The following ELAPOR1 variants were observed in gnomAD, a reference collection of about 807,000 sequenced individuals.
The protein encoded by ELAPOR1 is endosome/lysosome-associated apoptosis and autophagy regulator 1.
Under a neutral mutation model 119.7 loss-of-function variants are expected in ELAPOR1, and 77 were observed. The observed-to-expected ratio is 0.64, with a 90% CI of 0.54 to 0.78. The LOEUF is 0.78. Among genes scored for constraint, ELAPOR1 ranks in the 30% least tolerant of loss-of-function variants. The probability of loss-of-function intolerance (pLI) is 0.00; values close to 1 mark genes in which losing one functional copy is unlikely to be tolerated. For missense variants in ELAPOR1, 1,115 were observed against 1,270.4 expected (o/e 0.88, Z 1.86); for synonymous variants, 481 against 487.2 (o/e 0.99, Z 0.17).
chr1:109,182,702 C>G (rs1652769707), intron 7 of ELAPOR1, among the ~76,000 whole-genome samples: 2 of 151,926 alleles, frequency 1.3e-5, no homozygotes, highest in Non-Finnish European at 2.9e-5. Context: ...CCTGTCTCTA[C>G]TAAAAATACA....
intron 1 of ELAPOR1, among the ~76,000 whole-genome samples, chr1:109,153,259 AC>A (rs375402789): frequency 6.6e-6 from 1 of 152,212 alleles, no homozygotes; most frequent in African/African-American, 2.4e-5. Context: ...CTCTTGATCA[AC>A]AATCTCAAAG....
At position 109,171,973 on chromosome 1, in the gene ELAPOR1, A is replaced by G. The variant is rs112925785; in HGVS notation, c.575A>G (p.Glu192Gly). The G allele has an allele frequency of 6.2e-7, 1 of 1,614,216 alleles. No homozygotes were observed. ...NLKQSGTVNF[E>G]YYYPDSSIIF... Reference sequence around the variant, plus strand: ...AAGCAATCTGGCACCGTTAACTTCGAATACTACTATCCAGACTCCAGCATC... The same window carrying G: ...AAGCAATCTGGCACCGTTAACTTCGGATACTACTATCCAGACTCCAGCATC... The change falls in exon 4 of 22, where the codon GAA (glutamate) becomes GGA (glycine). Residue 192 changes from glutamate (E) to glycine (G), a missense_variant. Glu to Gly is a moderately conservative substitution (Grantham distance 98). Transcript: ENST00000369939.
At chr1:109,170,353 G>A (rs996795242) in intron 3 of ELAPOR1, among the ~76,000 whole-genome samples, 7 of 152,004 alleles carry the variant, frequency 4.6e-5, no homozygotes, top group Admixed American at 3.3e-4. Context: ...CATTGTATAG[G>A]TCTTACATAT....
At chr1:109,131,502 GTTA>G (rs951738286) in intron 1 of ELAPOR1, among the ~76,000 whole-genome samples, 3 of 151,990 alleles carry the variant, frequency 2.0e-5, no homozygotes, top group African/African-American at 7.3e-5. Context: ...AAATCTCCAT[GTTA>G]TTATTATTAT....
chr1:109,138,909 T>A (rs974355538), intron 1 of ELAPOR1, among the ~76,000 whole-genome samples: 1 of 150,378 alleles, frequency 6.6e-6, no homozygotes, highest in East Asian at 1.9e-4. Flanking sequence ...TTAAAACAAA[T>A]TTTTAAATAG....
intron 15 of ELAPOR1, among the ~76,000 whole-genome samples, chr1:109,196,177 A>G (rs1653782899): frequency 6.6e-6 from 1 of 152,172 alleles, no homozygotes; most frequent in Non-Finnish European, 1.5e-5. Context: ...GACAATATAA[A>G]GAGCATCTTG....
At chr1:109,186,524 T>C in intron 8 of ELAPOR1, 1 of 985,468 alleles carries the variant, frequency 1.0e-6, no homozygotes, top group Non-Finnish European at 1.2e-6. Flanking sequence ...AGTCATCTCT[T>C]ACCAACACCA....
intron 1 of ELAPOR1, among the ~76,000 whole-genome samples, chr1:109,140,940 C>A (rs1015659085): frequency 6.6e-5 from 10 of 152,148 alleles, no homozygotes; most frequent in Non-Finnish European, 1.2e-4. Flanking sequence ...CAACCTCCCC[C>A]TCCCGGGTTC....
At chr1:109,167,588 T>G (rs1651674438) in intron 3 of ELAPOR1, among the ~76,000 whole-genome samples, 1 of 152,130 alleles carries the variant, frequency 6.6e-6, no homozygotes, top group Admixed American at 6.5e-5. Context: ...GCCTGTCCAC[T>G]CAGCAGCCAG....
At chr1:109,150,413 A>G (rs1430280211) in intron 1 of ELAPOR1, among the ~76,000 whole-genome samples, 1 of 152,212 alleles carries the variant, frequency 6.6e-6, no homozygotes, top group Non-Finnish European at 1.5e-5. Context: ...GCGACGGTCC[A>G]GGGATTGAGG....
At chr1:109,198,183 T>G in intron 17 of ELAPOR1, 108 bp downstream of exon 17, 1 of 863,622 alleles carries the variant, frequency 1.2e-6, no homozygotes, top group Non-Finnish European at 1.9e-6. Flanking sequence ...CCAGAACATG[T>G]CTGAGGTCTA....
intron 1 of ELAPOR1, among the ~76,000 whole-genome samples, chr1:109,133,364 A>T (rs1337539375): frequency 6.6e-6 from 1 of 152,228 alleles, no homozygotes; most frequent in Non-Finnish European, 1.5e-5. Flanking sequence ...CCAAAAAAAA[A>T]AAAATTAGAA....
chr1:109,186,756 T>C, intron 8 of ELAPOR1: 1 of 985,596 alleles, frequency 1.0e-6, no homozygotes, highest in African/African-American at 1.7e-5. Context: ...TGTGACTGAA[T>C]GTGGCTGTCT....
chr1:109,199,887 C>T lies in ELAPOR1; in HGVS notation c.2535C>T (p.Asn845=), dbSNP rs1387862548. 1.9e-6 allele frequency: 3 copies of T among 1,613,450 alleles called. No homozygotes were observed. The African/African-American group carries it at 4.0e-5, about 22-fold the overall frequency. The change falls in exon 19 of 22, where the codon AAC becomes AAT. Residue 845 remains asparagine, a synonymous_variant. Transcript: ENST00000369939. ...CGGATGGGACCTGTGATGGCTGCAA[C>T]TTCCACTTCCTGTGGGAGAGCGCGG... ...TCSDGTCDGC[N]FHFLWESAAA...
chr1:109,172,120 T>C (rs1651963841), intron 4 of ELAPOR1, 107 bp downstream of exon 4: 1 of 1,384,152 alleles, frequency 7.2e-7, no homozygotes, highest in South Asian at 1.2e-5. Flanking sequence ...GGAATCACTG[T>C]TGTTTTCTCT....
rs754007593 is a variant in ELAPOR1, at chr1:109,198,654, T to C, written c.2481T>C (p.Pro827=). The C allele has an allele frequency of 3.7e-6, 6 of 1,613,574 alleles. No homozygotes were observed. In the South Asian group the frequency reaches 6.6e-5, roughly 18 times the overall value. Residue 827 remains proline, a synonymous_variant, in exon 18 of 22, where the codon CCT becomes CCC. Transcript: ENST00000369939. ...GGTGCAGTCCACAGAAAACTGTCCC[T>C]GGAAGTTTGCTGCTGCCAGGGTAAG... ...RVRCSPQKTV[P]GSLLLPGTCS... is the part of the protein sequence containing the mutation.
At chr1:109,176,572 A>G (rs1652296499) in intron 7 of ELAPOR1, among the ~76,000 whole-genome samples, 1 of 149,308 alleles carries the variant, frequency 6.7e-6, no homozygotes, top group Admixed American at 6.7e-5. Flanking sequence ...ACCTACACAG[A>G]TCTTGCCAAA....
Position 109,143,401 on chromosome 1 carries a change from T to C in ELAPOR1, c.154-18493T>C, listed in dbSNP as rs905051383. ...TTGTGTTTGTATGAAGTGTCCACAA[T>C]AGGTAAATACATAGAGTCAGAGAAT... On this transcript the variant is annotated intron_variant, in intron 1 of 21. Coordinates refer to ENST00000369939, the MANE Select transcript of ELAPOR1 (RefSeq NM_020775.5). Among the ~76,000 whole-genome samples, 11 of 152,192 alleles carry C rather than the reference T, an allele frequency of 7.2e-5. 1 individual carries two copies. In the South Asian group the frequency reaches 8.3e-4, roughly 11 times the overall value.
intron 1 of ELAPOR1, among the ~76,000 whole-genome samples, chr1:109,127,226 T>A (rs1199417217): frequency 6.6e-6 from 1 of 150,456 alleles, no homozygotes; most frequent in African/African-American, 2.4e-5. Flanking sequence ...TTTTTTTTTT[T>A]TTTTTTTAAG....
Sources: gnomAD v4.1 joint callset for allele counts (sites outside exome capture counted in the v4.1 genomes callset) on GRCh38, gnomAD v4.1.1 for gene constraint, MANE v1.5 for transcripts, NCBI Gene and HGNC (gene_info 2026-07-23, HGNC 2026-07-21) for gene names.